The following FCRL2 variants were observed in gnomAD, a reference collection of about 807,000 sequenced individuals.
FCRL2 encodes the protein Fc receptor-like protein 2.
In FCRL2, 48 loss-of-function variants were observed where a neutral mutation model predicts 59.8. The observed-to-expected ratio is 0.80, with a 90% confidence interval of 0.64 to 1.02. FCRL2 has a LOEUF of 1.02. FCRL2 is among the 50% of genes least tolerant of loss of function. The pLI, the probability that FCRL2 is intolerant of heterozygous loss-of-function variation, is 0.00. For synonymous variants in FCRL2, 251 were observed against 229.5 expected, an observed-to-expected ratio of 1.09 and a Z score of -0.85; for missense variants, 658 against 597.3, an observed-to-expected ratio of 1.10 and a Z score of -1.06.
chr1:157,752,555 C>G (rs1410043366), intron 7 of FCRL2, among the ~76,000 whole-genome samples: 1 of 152,222 alleles, frequency 6.6e-6, no homozygotes, highest in Non-Finnish European at 1.5e-5. Context: ...CCTGCGATTT[C>G]AACCAGAGTC....
chr1:157,764,792 A>G lies in FCRL2; in HGVS notation c.1279+2063T>C, dbSNP rs60886799. On this transcript the variant is annotated intron_variant, in intron 7 of 11. Coordinates refer to ENST00000361516, the MANE Select transcript of FCRL2 (RefSeq NM_030764.4). ...AAACAAATGAAAATTGAAACGTAAC[A>G]TACTAAAACCTGTGGGATACAGCAA... is the stretch of plus-strand genomic sequence containing the variant. Among the ~76,000 whole-genome samples, 986 of 152,358 alleles carry G rather than the reference A, an allele frequency of 6.5e-3. 7 individuals carry two copies. Among genetic ancestry groups the G allele is most frequent in the African/African-American group, 0.021 (865 of 41,596 alleles).
At position 157,746,312 on chromosome 1, in the gene FCRL2, C is replaced by A; in HGVS notation, c.*424G>T. The A allele has an allele frequency of 6.2e-6, 1 of 162,356 alleles. No individual in the cohort carries two copies. The highest frequency in any genetic ancestry group is 1.9e-4 in the South Asian group (1 of 5,364). 10.1% of individuals were successfully genotyped at this position (162,356 alleles called of 1,614,324 possible). ...AAAAGAAAATTTCAGGCCAATATTC[C>A]CAATGAACATATTTGCAAAAATTCT... On this transcript the variant is annotated 3_prime_UTR_variant, in exon 12 of 12. Coordinates refer to ENST00000361516, the MANE Select transcript of FCRL2 (RefSeq NM_030764.4).
chr1:157,770,267 C>CGGTG, intron 3 of FCRL2, 117 bp from the exon 4 acceptor site: 1 of 1,440,080 alleles, frequency 6.9e-7, no homozygotes, highest in Admixed American at 2.0e-5. Flanking sequence ...CACCTCTCAC[C>CGGTG]CATCATGGCT....
intron 7 of FCRL2, among the ~76,000 whole-genome samples, chr1:157,755,944 T>C (rs12083047): frequency 0.018 from 2,695 of 152,330 alleles, 71 homozygotes; most frequent in African/African-American, 0.06. Context: ...ACTGTCATAT[T>C]CTTTGATATT....
At chr1:157,772,338 T>C (rs1016237411) in intron 2 of FCRL2, among the ~76,000 whole-genome samples, 13 of 152,086 alleles carry the variant, frequency 8.5e-5, no homozygotes, top group Non-Finnish European at 1.5e-4. Flanking sequence ...GAGTTGGTCG[T>C]TAGGAATTAT....
In FCRL2 at chr1:157,746,705, T is replaced by A. The variant is rs937404899; in HGVS notation, c.*31A>T. 1.2e-6 allele frequency: 2 copies of A among 1,607,846 alleles called. No homozygotes were observed. The highest frequency in any genetic ancestry group is 2.7e-5 in the African/African-American group (2 of 74,756). ...AGTCTTAATGATGCCCCATCCTTGCTGTTGATCTTCCCTTCTGATTCCTCC... is the reference window on the plus strand; with the variant it reads ...AGTCTTAATGATGCCCCATCCTTGCAGTTGATCTTCCCTTCTGATTCCTCC... On this transcript the variant is annotated 3_prime_UTR_variant, in exon 12 of 12. Transcript: ENST00000361516.
At chr1:157,768,774 T>C (rs1257600415) in intron 4 of FCRL2, 73 bp from the exon 5 acceptor site, 4 of 1,399,134 alleles carry the variant, frequency 2.9e-6, no homozygotes, top group Non-Finnish European at 3.9e-6. Context: ...GATTCCATTC[T>C]CTAATGCAAA....
intron 7 of FCRL2, among the ~76,000 whole-genome samples, chr1:157,751,034 G>A (rs1184785505): frequency 6.6e-6 from 1 of 151,918 alleles, no homozygotes; most frequent in Non-Finnish European, 1.5e-5. Context: ...TCAATTTAAA[G>A]GAAGCAAGTC....
intron 5 of FCRL2, 195 bp from the exon 6 acceptor site, chr1:157,767,704 G>C (rs1372442662): frequency 6.4e-7 from 1 of 1,557,182 alleles, no homozygotes; most frequent in African/African-American, 1.4e-5. Context: ...ATCAGTTCTG[G>C]GTGCTGCCTG....
At chr1:157,754,040 T>C (rs1400991506) in intron 7 of FCRL2, among the ~76,000 whole-genome samples, 2 of 124,810 alleles carry the variant, frequency 1.6e-5, no homozygotes, top group Middle Eastern at 4.1e-3. Context: ...GATTAGATTC[T>C]AGTTCAGTAC....
At position 157,753,365 on chromosome 1, in the gene FCRL2, C is replaced by A. The variant is rs149595286; in HGVS notation, c.1280-3688G>T. Among the ~76,000 whole-genome samples the A allele has an allele frequency of 4.2e-3, 642 of 152,256 alleles. 3 individuals are homozygous for A. Among genetic ancestry groups the A allele is most frequent in the African/African-American group, 0.013 (534 of 41,550 alleles). On this transcript the variant is annotated intron_variant, in intron 7 of 11. Coordinates refer to ENST00000361516, the MANE Select transcript of FCRL2 (RefSeq NM_030764.4). ...CCAAATGGCTATAAACTGGGGATTC[C>A]CAGGACTCTTTCCTCAGTTTCAATA...
chr1:157,758,555 A>C (rs1212931988), intron 7 of FCRL2, among the ~76,000 whole-genome samples: 1 of 152,082 alleles, frequency 6.6e-6, no homozygotes, highest in Non-Finnish European at 1.5e-5. Flanking sequence ...CACTCTTCAA[A>C]GCTATTTACA....
At chr1:157,762,882 A>G (rs1318465443) in intron 7 of FCRL2, among the ~76,000 whole-genome samples, 1 of 152,224 alleles carries the variant, frequency 6.6e-6, no homozygotes, top group Non-Finnish European at 1.5e-5. Context: ...TCTTTTCCAG[A>G]TAAGCAAAAG....
chr1:157,748,041 C>T (rs56706837), intron 10 of FCRL2, among the ~76,000 whole-genome samples: 4,861 of 151,752 alleles, frequency 0.032, 246 homozygotes, highest in African/African-American at 0.11. Flanking sequence ...TAAGTTTGCT[C>T]TCTTCACAAG....
At chr1:157,748,523 T>C (rs747775807) in intron 10 of FCRL2, 30 bp downstream of exon 10, 2 of 1,568,316 alleles carry the variant, frequency 1.3e-6, no homozygotes, top group Non-Finnish European at 1.8e-6. Context: ...TGAATATGCA[T>C]CTGACAAGAA....
chr1:157,772,777 T>C (rs372835869), intron 2 of FCRL2, among the ~76,000 whole-genome samples: 1 of 152,350 alleles, frequency 6.6e-6, no homozygotes, highest in East Asian at 1.9e-4. Context: ...CATGCACTTA[T>C]AATTTTTACC....
At chr1:157,756,886 C>T (rs7520832) in intron 7 of FCRL2, among the ~76,000 whole-genome samples, 2,701 of 152,240 alleles carry the variant, frequency 0.018, 71 homozygotes, top group African/African-American at 0.061. Flanking sequence ...ACAACGTATA[C>T]TTATTTGAAA....
chr1:157,748,525 TG>T, intron 10 of FCRL2, 27 bp downstream of exon 10: 2 of 1,582,962 alleles, frequency 1.3e-6, no homozygotes, highest in Non-Finnish European at 1.7e-6. Context: ...AATATGCATC[TG>T]ACAAGAACTA....
chr1:157,763,833 A>G (rs1213430276), intron 7 of FCRL2, among the ~76,000 whole-genome samples: 3 of 152,154 alleles, frequency 2.0e-5, no homozygotes, highest in African/African-American at 7.2e-5. Context: ...GACAGAGAAC[A>G]TCCTGGCCAA....
Sources: gnomAD v4.1 joint callset for allele counts (sites outside exome capture counted in the v4.1 genomes callset) on GRCh38, gnomAD v4.1.1 for gene constraint, MANE v1.5 for transcripts, NCBI Gene and HGNC (gene_info 2026-07-23, HGNC 2026-07-21) for gene names.